DLC1: variants seen among roughly 807,000 people sequenced by gnomAD.
DLC1 encodes rho GTPase-activating protein 7.
Under a neutral mutation model 140.3 loss-of-function variants are expected in DLC1, and 54 were observed. That is an observed-to-expected ratio of 0.38 (90% confidence interval 0.31 to 0.48). The LOEUF (loss-of-function observed/expected upper bound fraction) is 0.48, where lower values mean the gene tolerates loss of function less well. Ranked by LOEUF, DLC1 falls within the 20% of genes least tolerant of loss-of-function variation. The pLI is 0.96. For missense variants in DLC1, 2,536 were observed against 1,907.0 expected (o/e 1.33, Z -6.14); for synonymous variants, 986 against 728.1 (o/e 1.35, Z -5.70).
intron 15 of DLC1, among the ~76,000 whole-genome samples, chr8:13,089,259 A>C: frequency 7.6e-6 from 1 of 131,790 alleles, no homozygotes; most frequent in Non-Finnish European, 1.6e-5. Flanking sequence ...CTCCATCTCA[A>C]AAGAAAAAAG....
intron 4 of DLC1, among the ~76,000 whole-genome samples, chr8:13,321,732 C>G (rs923124465): frequency 3.3e-5 from 5 of 152,096 alleles, no homozygotes; most frequent in African/African-American, 1.2e-4. Flanking sequence ...AACTGGTTTT[C>G]TCAATTTTCT....
chr8:13,304,369 C>T (rs1437490049), intron 5 of DLC1, among the ~76,000 whole-genome samples: 1 of 152,090 alleles, frequency 6.6e-6, no homozygotes, highest in Admixed American at 6.5e-5. Context: ...CGAGATACAG[C>T]CTAAACATGA....
chr8:13,544,624 A>G (rs1296435213), intron 1 of DLC1, among the ~76,000 whole-genome samples: 2 of 152,170 alleles, frequency 1.3e-5, no homozygotes, highest in Non-Finnish European at 2.9e-5. Context: ...TCTTGAGAGT[A>G]ATCATAGAAC....
chr8:13,215,533 C>T (rs1439758426), intron 5 of DLC1, among the ~76,000 whole-genome samples: 2 of 152,144 alleles, frequency 1.3e-5, no homozygotes, highest in Admixed American at 1.3e-4. Flanking sequence ...TTTCAGTTAG[C>T]CAAGATCACG....
intron 1 of DLC1, chr8:13,559,443 C>T (rs1269352518): frequency 6.6e-6 from 1 of 152,198 alleles, no homozygotes; most frequent in African/African-American, 2.4e-5. Flanking sequence ...ATGACATTAG[C>T]TCTCTTTTCC....
chr8:13,100,797 C>T (rs748874990), intron 8 of DLC1, 27 bp from the exon 9 acceptor site: 1 of 1,528,590 alleles, frequency 6.5e-7, no homozygotes, highest in Non-Finnish European at 8.8e-7. Context: ...GAGCCATTCA[C>T]ACACTGGGGC....
At chr8:13,498,802 A>G (rs1386824517) in intron 2 of DLC1, 2 of 394,474 alleles carry the variant, frequency 5.1e-6, no homozygotes, top group Middle Eastern at 7.0e-4. Context: ...CCTGTTTTCA[A>G]CACAATTCTG....
intron 1 of DLC1, among the ~76,000 whole-genome samples, chr8:13,571,111 T>C (rs949935361): frequency 1.3e-5 from 2 of 152,242 alleles, no homozygotes; most frequent in African/African-American, 4.8e-5. Flanking sequence ...TAATTTCTTA[T>C]GTATTATTCC....
At chr8:13,412,971 T>C (rs1309093015) in intron 2 of DLC1, among the ~76,000 whole-genome samples, 1 of 148,892 alleles carries the variant, frequency 6.7e-6, no homozygotes, top group Non-Finnish European at 1.5e-5. Flanking sequence ...TTTGAATGGA[T>C]GCACCCATGT....
At chr8:13,576,235 A>C (rs1804832077) in intron 1 of DLC1, among the ~76,000 whole-genome samples, 1 of 152,208 alleles carries the variant, frequency 6.6e-6, no homozygotes, top group Non-Finnish European at 1.5e-5. Context: ...ATTAAATCCC[A>C]AGGGATTCCC....
chr8:13,540,567 T>C (rs1293916628), intron 1 of DLC1, among the ~76,000 whole-genome samples: 2 of 152,238 alleles, frequency 1.3e-5, no homozygotes, highest in Admixed American at 6.5e-5. Context: ...CTGCGCAGAC[T>C]GTAGGCTTTG....
intron 4 of DLC1, among the ~76,000 whole-genome samples, chr8:13,386,430 A>T (rs1379908575): frequency 2.6e-5 from 4 of 152,056 alleles, no homozygotes; most frequent in African/African-American, 7.2e-5. Context: ...ATATATCAAG[A>T]TACAAGTTAT....
Position 13,298,804 on chromosome 8 carries a change from C to T in DLC1, c.1348+6465G>A, listed in dbSNP as rs113333489. On this transcript the variant is annotated intron_variant, in intron 5 of 17. Coordinates refer to ENST00000276297, the MANE Select transcript of DLC1 (RefSeq NM_182643.3). The stretch of plus-strand genomic sequence containing the variant: ...GTGACGGGGAAAGCTGGACCCCAAA[C>T]ATCTGCATCAAGCAATATACCCATG... Among the ~76,000 whole-genome samples the T allele has an allele frequency of 3.1e-3, 468 of 152,302 alleles. 4 individuals are homozygous for T. The highest frequency in any genetic ancestry group is 0.011 in the African/African-American group (457 of 41,558).
intron 3 of DLC1, among the ~76,000 whole-genome samples, chr8:13,400,066 T>A (rs566168750): frequency 6.6e-6 from 1 of 152,210 alleles, no homozygotes; most frequent in South Asian, 2.1e-4. Flanking sequence ...TGGAAAAAAA[T>A]TTGATGGTGA....
At chr8:13,603,418 C>T (rs1045952859) in intron 1 of DLC1, among the ~76,000 whole-genome samples, 2 of 151,192 alleles carry the variant, frequency 1.3e-5, no homozygotes, top group Non-Finnish European at 1.5e-5. Context: ...TTAGAATTTC[C>T]TAGCTGGTAT....
intron 5 of DLC1, chr8:13,160,378 G>A (rs1338352276): frequency 6.6e-6 from 1 of 152,222 alleles, no homozygotes; most frequent in African/African-American, 2.4e-5. Flanking sequence ...CTGATGAGTG[G>A]ACTGAATGCT....
intron 1 of DLC1, among the ~76,000 whole-genome samples, chr8:13,510,353 T>C (rs149259111): frequency 0.029 from 4,376 of 152,086 alleles, 217 homozygotes; most frequent in African/African-American, 0.095. Flanking sequence ...TTTTTTGTAT[T>C]TTCAGGAGAG....
intron 1 of DLC1, among the ~76,000 whole-genome samples, chr8:13,502,979 C>T (rs1211984434): frequency 6.6e-6 from 1 of 152,186 alleles, no homozygotes; most frequent in Non-Finnish European, 1.5e-5. Context: ...TGCTATGATT[C>T]TGGAAAATAC....
At chr8:13,132,697 T>C (rs1822212911) in intron 5 of DLC1, among the ~76,000 whole-genome samples, 1 of 152,190 alleles carries the variant, frequency 6.6e-6, no homozygotes, top group Non-Finnish European at 1.5e-5. Context: ...CCTGGTGCGC[T>C]GGCCCGCGGT....
Sources: gnomAD v4.1 joint callset for allele counts (sites outside exome capture counted in the v4.1 genomes callset) on GRCh38, gnomAD v4.1.1 for gene constraint, MANE v1.5 for transcripts, NCBI Gene and HGNC (gene_info 2026-07-23, HGNC 2026-07-21) for gene names.